PXDNL: variants seen among roughly 807,000 people sequenced by gnomAD.
The protein encoded by PXDNL is probable oxidoreductase PXDNL.
A neutral mutation model predicts 150.8 loss-of-function variants in PXDNL; 145 were observed. That is an observed-to-expected ratio of 0.96 (90% confidence interval 0.84 to 1.10). The LOEUF is 1.10. Ranked by LOEUF, PXDNL falls within the 50% of genes least tolerant of loss-of-function variation. The pLI is 0.00. For synonymous variants in PXDNL, 757 were observed against 725.7 expected (o/e 1.04, Z -0.69); for missense variants, 2,087 against 1,873.9 (o/e 1.11, Z -2.10).
intron 10 of PXDNL, among the ~76,000 whole-genome samples, chr8:51,452,546 T>G (rs562233256): frequency 6.6e-5 from 10 of 152,324 alleles, no homozygotes; most frequent in Admixed American, 5.9e-4. Context: ...GGAGGAAGCC[T>G]TGTGCTTTGT....
chr8:51,774,675 A>T (rs1054821883), intron 1 of PXDNL, among the ~76,000 whole-genome samples: 1 of 151,962 alleles, frequency 6.6e-6, no homozygotes, highest in African/African-American at 2.4e-5. Context: ...AAAATTAGCC[A>T]GGCATGGTGG....
At chr8:51,391,642 T>C (rs1404493667) in intron 17 of PXDNL, among the ~76,000 whole-genome samples, 1 of 152,224 alleles carries the variant, frequency 6.6e-6, no homozygotes, top group East Asian at 1.9e-4. Context: ...ATATTGGCCC[T>C]CTGTCAGATG....
intron 8 of PXDNL, among the ~76,000 whole-genome samples, chr8:51,461,712 G>A (rs1290440275): frequency 6.6e-6 from 1 of 152,222 alleles, no homozygotes; most frequent in African/African-American, 2.4e-5. Flanking sequence ...CTAAGAGTGA[G>A]GGTAGAACAG....
chr8:51,546,386 G>A (rs1301621401), intron 4 of PXDNL, among the ~76,000 whole-genome samples: 1 of 152,166 alleles, frequency 6.6e-6, no homozygotes, highest in African/African-American at 2.4e-5. Context: ...GTTAGTACTT[G>A]GATGGGATTT....
Position 51,409,131 on chromosome 8 carries a change from C to T in PXDNL, c.2493G>A (p.Pro831=), listed in dbSNP as rs1808541836. 6.2e-7 allele frequency: 1 copy of T among 1,605,284 alleles called. No homozygotes were observed. The highest frequency in any genetic ancestry group is 8.5e-7 in the Non-Finnish European group (1 of 1,178,778). ...LSTARFSDGR[P]CSSVCTNDPP... is the part of the protein sequence containing the mutation. ...GGTCGTTGGTGCAGACGGAGCTGCA[C>T]GGCCGCCCATCCGAGAAGCGGGCTG... is the stretch of plus-strand genomic sequence containing the variant. Residue 831 remains proline, a synonymous_variant, in exon 17 of 23, where the codon CCG becomes CCA. Coordinates refer to ENST00000356297, the MANE Select transcript of PXDNL (RefSeq NM_144651.5).
intron 1 of PXDNL, 57 bp downstream of exon 1, chr8:51,809,124 C>G (rs2037707867): frequency 1.9e-6 from 3 of 1,572,532 alleles, no homozygotes; most frequent in Non-Finnish European, 8.7e-7. Context: ...CAGGTCCTAG[C>G]AGAGAAGCAA....
chr8:51,809,286 G>A lies in PXDNL; in HGVS notation c.59C>T (p.Pro20Leu). The change falls in exon 1 of 23, where the codon CCA (proline) becomes CTA (leucine). Residue 20 changes from proline (P) to leucine (L), a missense_variant. Transcript: ENST00000356297. ...GCACCGGCTGGGGCAGGGCAACCCTGGCAGGCACCACCCGGCCAGGAGAAA... is the reference window on the plus strand; with the variant it reads ...GCACCGGCTGGGGCAGGGCAACCCTAGCAGGCACCACCCGGCCAGGAGAAA... ...TLFLLAGWCL[P>L]GLPCPSRCLC... 2.5e-6 allele frequency: 4 copies of A among 1,593,264 alleles called. No homozygotes were observed. Among genetic ancestry groups the A allele is most frequent in the Non-Finnish European group, 3.4e-6 (4 of 1,169,832 alleles).
At chr8:51,499,812 G>A (rs758174328) in intron 4 of PXDNL, 42 bp from the exon 5 acceptor site, 18 of 1,297,966 alleles carry the variant, frequency 1.4e-5, no homozygotes, top group East Asian at 2.3e-5. Context: ...TTGTGCTGGT[G>A]AGTAAAATAA....
At chr8:51,385,568 C>T (rs550523710) in intron 17 of PXDNL, among the ~76,000 whole-genome samples, 11 of 152,148 alleles carry the variant, frequency 7.2e-5, no homozygotes, top group Non-Finnish European at 1.6e-4. Flanking sequence ...ATTAACAGCC[C>T]CTGATTTAAA....
At chr8:51,407,265 C>T (rs540206385) in intron 17 of PXDNL, among the ~76,000 whole-genome samples, 1 of 152,266 alleles carries the variant, frequency 6.6e-6, no homozygotes, top group East Asian at 1.9e-4. Flanking sequence ...TCTATTGACA[C>T]AGAAGTATTT....
chr8:51,339,782 C>T, intron 20 of PXDNL, 29 bp from the exon 21 acceptor site: 1 of 1,579,986 alleles, frequency 6.3e-7, no homozygotes, highest in South Asian at 1.2e-5. Context: ...AAATAAAATG[C>T]TGAAAAATAA....
intron 1 of PXDNL, among the ~76,000 whole-genome samples, chr8:51,779,892 T>C (rs1236235911): frequency 1.3e-5 from 2 of 152,184 alleles, no homozygotes; most frequent in Non-Finnish European, 2.9e-5. Flanking sequence ...ACACTCACAC[T>C]GTAGTCACCA....
intron 3 of PXDNL, among the ~76,000 whole-genome samples, chr8:51,559,492 A>C (rs898492050): frequency 1.3e-5 from 2 of 152,010 alleles, no homozygotes; most frequent in African/African-American, 4.8e-5. Flanking sequence ...CAGTTCAACG[A>C]AAGAAGAAAA....
At chr8:51,542,809 CA>C (rs530935588) in intron 4 of PXDNL, among the ~76,000 whole-genome samples, 2,939 of 118,258 alleles carry the variant, frequency 0.025, 32 homozygotes, top group African/African-American at 0.044. Context: ...GACTCCATCT[CA>C]AAAAAAAAAA....
chr8:51,491,251 C>T (rs1204438170), intron 5 of PXDNL, among the ~76,000 whole-genome samples: 1 of 152,140 alleles, frequency 6.6e-6, no homozygotes, highest in Non-Finnish European at 1.5e-5. Flanking sequence ...CCTTAATAAA[C>T]TCCCTTTTTT....
At chr8:51,635,419 T>C (rs1198098158) in intron 2 of PXDNL, among the ~76,000 whole-genome samples, 1 of 151,772 alleles carries the variant, frequency 6.6e-6, no homozygotes, top group African/African-American at 2.4e-5. Flanking sequence ...AAACAATAAA[T>C]AGAGTCAATG....
intron 10 of PXDNL, among the ~76,000 whole-genome samples, chr8:51,451,703 T>C (rs1352254385): frequency 6.6e-6 from 1 of 152,164 alleles, no homozygotes; most frequent in South Asian, 2.1e-4. Context: ...AGGAAGTTTA[T>C]CTGTGGATAA....
intron 4 of PXDNL, among the ~76,000 whole-genome samples, chr8:51,521,335 A>C (rs1563448521): frequency 6.6e-6 from 1 of 152,188 alleles, no homozygotes; most frequent in Non-Finnish European, 1.5e-5. Flanking sequence ...CTATAAAAAA[A>C]AAGAAAATAT....
At chr8:51,669,206 G>A (rs116533948) in intron 1 of PXDNL, among the ~76,000 whole-genome samples, 3,872 of 152,084 alleles carry the variant, frequency 0.025, 171 homozygotes, top group African/African-American at 0.088. Flanking sequence ...TTTTAAATGC[G>A]GAAACTTAAT....
Sources: allele counts gnomAD v4.1 joint callset (sites outside exome capture counted in the v4.1 genomes callset), GRCh38; gene constraint gnomAD v4.1.1; transcripts MANE v1.5; gene names NCBI Gene and HGNC (gene_info 2026-07-23, HGNC 2026-07-21).